BANK1: variants seen among roughly 807,000 people sequenced by gnomAD.
BANK1 encodes the protein B cell scaffold protein with ankyrin repeats 1, also known as B-cell scaffold protein with ankyrin repeats.
Under a neutral mutation model 94.5 loss-of-function variants are expected in BANK1, and 95 were observed. The ratio of observed to expected loss-of-function variants is 1.00; its 90% CI spans 0.85 to 1.19. The LOEUF (loss-of-function observed/expected upper bound fraction) is 1.19, where lower values mean the gene tolerates loss of function less well. Among genes scored for constraint, BANK1 ranks in the 50% most tolerant of loss-of-function variants. The pLI is 0.00. For missense variants in BANK1, 987 were observed against 932.2 expected (o/e 1.06, Z -0.77); for synonymous variants, 334 against 308.4 (o/e 1.08, Z -0.87).
At chr4:101,967,458 TA>T (rs1299434490) in intron 7 of BANK1, among the ~76,000 whole-genome samples, 1 of 151,850 alleles carries the variant, frequency 6.6e-6, no homozygotes, top group Non-Finnish European at 1.5e-5. Flanking sequence ...GAGCAGCACA[TA>T]AAAGAGAATA....
intron 4 of BANK1, among the ~76,000 whole-genome samples, chr4:101,869,132 C>T (rs1728186456): frequency 6.6e-6 from 1 of 151,740 alleles, no homozygotes; most frequent in South Asian, 2.1e-4. Flanking sequence ...GATTCATTAC[C>T]GATTTTCTTT....
chr4:101,885,894 G>A (rs542281872), intron 5 of BANK1, among the ~76,000 whole-genome samples: 5 of 152,256 alleles, frequency 3.3e-5, no homozygotes, highest in South Asian at 4.1e-4. Flanking sequence ...GACCTCAAAC[G>A]TGTATAGAAC....
chr4:101,801,348 G>T (rs1725349769), intron 1 of BANK1, among the ~76,000 whole-genome samples: 1 of 152,040 alleles, frequency 6.6e-6, no homozygotes, highest in Admixed American at 6.5e-5. Context: ...GTTGCAATAT[G>T]GTTGCTAAAA....
chr4:102,035,863 G>T (rs1727494380), intron 10 of BANK1, among the ~76,000 whole-genome samples: 1 of 151,660 alleles, frequency 6.6e-6, no homozygotes, highest in South Asian at 2.1e-4. Flanking sequence ...GAAGAGGATC[G>T]GGTTCATTAA....
At chr4:102,069,518 G>T (rs573180064) in intron 13 of BANK1, among the ~76,000 whole-genome samples, 4 of 152,294 alleles carry the variant, frequency 2.6e-5, no homozygotes, top group African/African-American at 9.6e-5. Flanking sequence ...ATTGCTTATG[G>T]GAATATAAAG....
chr4:101,876,803 CAGAG>C (rs752502368), intron 5 of BANK1, among the ~76,000 whole-genome samples: 2 of 152,110 alleles, frequency 1.3e-5, no homozygotes, highest in East Asian at 1.9e-4. Flanking sequence ...TCAAGGAACA[CAGAG>C]AGGGAGTTAA....
chr4:101,899,591 G>A (rs752566879), intron 6 of BANK1, among the ~76,000 whole-genome samples: 67 of 152,092 alleles, frequency 4.4e-4, no homozygotes, highest in Non-Finnish European at 8.8e-4. Flanking sequence ...TGTTATTCAC[G>A]TTTACAGTGT....
At chr4:101,976,469 A>G (rs1410816882) in intron 7 of BANK1, among the ~76,000 whole-genome samples, 2 of 152,160 alleles carry the variant, frequency 1.3e-5, no homozygotes, top group Non-Finnish European at 1.5e-5. Flanking sequence ...CAGAGAGTAC[A>G]TGTAGAATTG....
chr4:101,880,501 A>G (rs1266212499), intron 5 of BANK1, among the ~76,000 whole-genome samples: 1 of 152,094 alleles, frequency 6.6e-6, no homozygotes, highest in East Asian at 1.9e-4. Context: ...TCCATACTAC[A>G]CAAAGCAATC....
At chr4:102,056,229 C>T (rs970086946) in intron 11 of BANK1, among the ~76,000 whole-genome samples, 4 of 152,096 alleles carry the variant, frequency 2.6e-5, no homozygotes, top group African/African-American at 9.7e-5. Context: ...ACTAAGTATA[C>T]ATCAATAGCT....
rs181012439 is a variant in BANK1, at chr4:101,821,093, G to A, written c.71-8715G>A. ...CACTGTATAAGTTTTCCGTTTTCTC[G>A]ACAGCCTCGCCAGCATCTGTTATTT... On this transcript the variant is annotated intron_variant, in intron 1 of 16. Transcript: ENST00000322953. Among the ~76,000 whole-genome samples, 353 of 152,168 alleles carry A rather than the reference G, an allele frequency of 2.3e-3. 5 individuals are homozygous for A. Among genetic ancestry groups the A allele is most frequent in the Admixed American group, 0.021 (316 of 15,276 alleles).
intron 13 of BANK1, among the ~76,000 whole-genome samples, chr4:102,070,415 T>C (rs923025442): frequency 6.6e-6 from 1 of 152,160 alleles, no homozygotes; most frequent in African/African-American, 2.4e-5. Flanking sequence ...GGAATGCCCC[T>C]GGAAGGTCAT....
At chr4:101,857,055 C>T (rs1727704452) in intron 3 of BANK1, among the ~76,000 whole-genome samples, 1 of 152,078 alleles carries the variant, frequency 6.6e-6, no homozygotes. Context: ...ATGTTTCAGA[C>T]TTGCCACGAC....
chr4:102,002,281 G>A (rs1477108521), intron 7 of BANK1, among the ~76,000 whole-genome samples: 1 of 151,590 alleles, frequency 6.6e-6, no homozygotes, highest in Non-Finnish European at 1.5e-5. Context: ...GAAAGGCTTC[G>A]TTTTTAAATC....
chr4:101,920,287 G>A (rs1219463625), intron 7 of BANK1, among the ~76,000 whole-genome samples: 1 of 151,900 alleles, frequency 6.6e-6, no homozygotes, highest in East Asian at 1.9e-4. Context: ...GAGTTAATGG[G>A]TGCAGCACAC....
At chr4:101,868,891 A>C (rs1393169152) in intron 4 of BANK1, among the ~76,000 whole-genome samples, 2 of 151,900 alleles carry the variant, frequency 1.3e-5, no homozygotes, top group Non-Finnish European at 2.9e-5. Context: ...CCATTTAACA[A>C]ATATGAGAAT....
At chr4:101,950,192 G>T (rs1178306293) in intron 7 of BANK1, among the ~76,000 whole-genome samples, 2 of 152,116 alleles carry the variant, frequency 1.3e-5, no homozygotes, top group Admixed American at 1.3e-4. Context: ...TGACTGGCTG[G>T]ATCTGCTGGT....
chr4:102,056,204 G>A (rs1467532886), intron 11 of BANK1, among the ~76,000 whole-genome samples: 3 of 152,104 alleles, frequency 2.0e-5, no homozygotes, highest in Non-Finnish European at 2.9e-5. Flanking sequence ...ACACATTCCA[G>A]GAAAGGAGAT....
In BANK1 at chr4:102,057,720, T is replaced by C. The variant is rs533195837; in HGVS notation, c.1970-2491T>C. Among the ~76,000 whole-genome samples the C allele has an allele frequency of 7.9e-5, 12 of 152,326 alleles. No homozygotes were observed. In the East Asian group the frequency reaches 2.3e-3, roughly 29 times the overall value. On this transcript the variant is annotated intron_variant, in intron 11 of 16. Coordinates refer to ENST00000322953, the MANE Select transcript of BANK1 (RefSeq NM_017935.5). ...TGGTACAGTATGGTGTGACATCACA[T>C]TGATACTTATAGTATGACATAGTAC...
Sources: gnomAD v4.1 joint callset for allele counts (sites outside exome capture counted in the v4.1 genomes callset) on GRCh38, gnomAD v4.1.1 for gene constraint, MANE v1.5 for transcripts, NCBI Gene and HGNC (gene_info 2026-07-23, HGNC 2026-07-21) for gene names.